The following GDI2 variants were observed in gnomAD, a reference collection of about 807,000 sequenced individuals.
The protein encoded by GDI2 is rab GDP dissociation inhibitor beta.
GDI2 carries 22 observed loss-of-function variants against 54.2 expected under a neutral mutation model. The observed-to-expected ratio is 0.41, with a 90% CI of 0.29 to 0.58. The LOEUF (loss-of-function observed/expected upper bound fraction) is 0.58. Ranked by LOEUF, GDI2 falls within the 20% of genes least tolerant of loss-of-function variation. The pLI, the probability that GDI2 is intolerant of heterozygous loss-of-function variation, is 0.35. For synonymous variants in GDI2, 177 were observed against 182.1 expected (o/e 0.97, Z 0.23); for missense variants, 422 against 546.0 (o/e 0.77, Z 2.26).
Position 5,785,786 on chromosome 10 carries a change from T to C in GDI2, c.587+66A>G. Reference sequence around the variant, plus strand: ...TATTTGTTTTGTTAGAATTTCCACTTGGAAGACTTGGGAAATTTAGTGAGA... The same window carrying C: ...TATTTGTTTTGTTAGAATTTCCACTCGGAAGACTTGGGAAATTTAGTGAGA... On this transcript the variant is annotated intron_variant, in intron 5 of 10. Coordinates refer to ENST00000380191, the MANE Select transcript of GDI2 (RefSeq NM_001494.4). 3 of 967,122 alleles carry C rather than the reference T, an allele frequency of 3.1e-6. No individual in the cohort carries two copies. The South Asian group carries it at 4.2e-5, about 13-fold the overall frequency. The allele number at this position is 967,122 out of a possible 1,614,324, so 59.9% of individuals were successfully genotyped here. A position where few individuals can be genotyped will look rare whatever the true frequency, so the allele number is the denominator to read the frequency against.
intron 6 of GDI2, among the ~76,000 whole-genome samples, chr10:5,783,879 T>C (rs1287190122): frequency 6.6e-6 from 1 of 152,222 alleles, no homozygotes; most frequent in Non-Finnish European, 1.5e-5. Context: ...ATTCTTTCCT[T>C]CATCTTGACT....
chr10:5,797,541 C>G (rs1402699336), intron 2 of GDI2, among the ~76,000 whole-genome samples: 1 of 85,684 alleles, frequency 1.2e-5, no homozygotes, highest in Non-Finnish European at 2.4e-5. Context: ...GAGACTCCAT[C>G]TCAAAAAAAA....
rs868437594 is a variant in GDI2 at position 5,808,702 on chromosome 10, A to G, written c.45+4512T>C. Among the ~76,000 whole-genome samples the G allele has an allele frequency of 4.5e-3, 496 of 111,266 alleles. 2 individuals carry two copies. Among genetic ancestry groups the G allele is most frequent in the African/African-American group, 0.013 (421 of 32,176 alleles). 73.0% of individuals were successfully genotyped at this position (111,266 alleles called of 152,430 possible). A position where few individuals can be genotyped will look rare whatever the true frequency, so the allele number is the denominator to read the frequency against. ...ATAAAAAGTATTGTTGTTATTAAAA[A>G]AAAAAAAAAAAAAAAACTACAAATA... On this transcript the variant is annotated intron_variant, in intron 1 of 10. Coordinates refer to ENST00000380191, the MANE Select transcript of GDI2 (RefSeq NM_001494.4).
Position 5,766,105 on chromosome 10 carries a change from C to G in GDI2, c.1239G>C (p.Thr413=). Residue 413 remains threonine (T), a synonymous_variant, in exon 11 of 11, where the codon ACG becomes ACC. Coordinates refer to ENST00000380191, the MANE Select transcript of GDI2 (RefSeq NM_001494.4). This position sits in a 1 kb window ranked among gnomAD's most constrained non-coding sequence, Gnocchi z 5.8. ...TYDATTHFET[T]CDDIKNIYKR... ...TATAGATGTTTTTAATGTCATCACACGTTGTCTCAAAATGAGTGGTGGCAT... is the reference window on the plus strand; with the variant it reads ...TATAGATGTTTTTAATGTCATCACAGGTTGTCTCAAAATGAGTGGTGGCAT... The G allele has an allele frequency of 3.1e-6, 5 of 1,612,398 alleles. No individual in the cohort carries two copies. Among genetic ancestry groups the G allele is most frequent in the Non-Finnish European group, 4.2e-6 (5 of 1,178,946 alleles).
intron 1 of GDI2, among the ~76,000 whole-genome samples, chr10:5,809,453 A>G (rs1841444895): frequency 6.6e-6 from 1 of 152,140 alleles, no homozygotes; most frequent in South Asian, 2.1e-4. Context: ...ATTGACTTAC[A>G]CTGACTGCTC....
At chr10:5,786,790 G>A (rs1000445131) in intron 4 of GDI2, among the ~76,000 whole-genome samples, 3 of 152,174 alleles carry the variant, frequency 2.0e-5, no homozygotes, top group Middle Eastern at 3.4e-3. Context: ...AGATACAACC[G>A]GGCACTTAAT....
At chr10:5,780,686 A>G (rs901255714) in intron 6 of GDI2, among the ~76,000 whole-genome samples, 7 of 152,348 alleles carry the variant, frequency 4.6e-5, no homozygotes, top group African/African-American at 1.4e-4. Context: ...ATACATTAAC[A>G]GCGGCATCAG....
chr10:5,785,924 T>C lies in GDI2; in HGVS notation c.515A>G (p.Tyr172Cys). Residue 172 changes from tyrosine to cysteine, a missense_variant, in exon 5 of 11, where the codon TAT becomes TGT. Coordinates refer to ENST00000380191, the MANE Select transcript of GDI2 (RefSeq NM_001494.4). The part of the protein sequence containing the change: ...DPKKTTMRDV[Y>C]KKFDLGQDVI... ...GTCTTGACCCAAATCAAATTTCTTA[T>C]ACACATCTCGCATTGTGGTCTTCTT... 4 of 1,611,954 alleles carry C rather than the reference T, an allele frequency of 2.5e-6. No individual in the cohort carries two copies. Among genetic ancestry groups the C allele is most frequent in the Non-Finnish European group, 3.4e-6 (4 of 1,177,976 alleles).
rs777761077 is a variant in GDI2, at chr10:5,776,694, C to T, written c.720-2753G>A. ...GAAAAGTCAGAGTTATGGAGCTTGC[C>T]GCCACATTCAGAAACTGCTACAGCC... On this transcript the variant is annotated intron_variant, in intron 6 of 10. Transcript: ENST00000380191. The surrounding 1 kb of genome is among the most constrained non-coding windows in gnomAD (Gnocchi z 5.3). The T allele has an allele frequency of 1.6e-4, 234 of 1,461,046 alleles. No homozygotes were observed. The highest frequency in any genetic ancestry group is 2.2e-4 in the Non-Finnish European group (230 of 1,049,166). 90.5% of individuals were successfully genotyped at this position (1,461,046 alleles called of 1,614,324 possible). A position where few individuals can be genotyped will look rare whatever the true frequency, so the allele number is the denominator to read the frequency against.
intron 1 of GDI2, among the ~76,000 whole-genome samples, chr10:5,801,790 T>C (rs1841275176): frequency 6.6e-6 from 1 of 152,014 alleles, no homozygotes; most frequent in Non-Finnish European, 1.5e-5. Flanking sequence ...GTGGGTGTAA[T>C]GCTTGAACCC....
intron 6 of GDI2, among the ~76,000 whole-genome samples, chr10:5,777,027 G>A (rs1300202949): frequency 5.9e-5 from 9 of 152,220 alleles, no homozygotes; most frequent in African/African-American, 2.2e-4. Context: ...CAGTCACTGT[G>A]AAATGTATCT....
intron 1 of GDI2, among the ~76,000 whole-genome samples, chr10:5,807,500 A>G (rs73612486): frequency 1.7e-3 from 257 of 152,346 alleles, no homozygotes; most frequent in African/African-American, 5.7e-3. Flanking sequence ...CTGTAACTTC[A>G]AACTCACCTA....
At chr10:5,786,165 A>ATTTTTT (rs35328258) in intron 4 of GDI2, 115 bp from the exon 5 acceptor site, 98 of 385,722 alleles carry the variant, frequency 2.5e-4, no homozygotes, top group African/African-American at 7.1e-4. Context: ...GCAGGATGCA[A>ATTTTTT]TTTTTTTTTT....
chr10:5,811,239 C>G (rs950850874), intron 1 of GDI2, among the ~76,000 whole-genome samples: 1 of 152,102 alleles, frequency 6.6e-6, no homozygotes, highest in Non-Finnish European at 1.5e-5. Flanking sequence ...CAAAGAACAT[C>G]TCAGAAAACT....
At chr10:5,793,628 C>G (rs1017636610) in intron 4 of GDI2, among the ~76,000 whole-genome samples, 1 of 152,106 alleles carries the variant, frequency 6.6e-6, no homozygotes, top group Admixed American at 6.6e-5. Context: ...AGCGCTGATG[C>G]CAAAATAATT....
chr10:5,795,653 G>A (rs189035034), intron 3 of GDI2, among the ~76,000 whole-genome samples: 62 of 152,204 alleles, frequency 4.1e-4, no homozygotes, highest in African/African-American at 1.5e-3. Flanking sequence ...TATTGGCCAG[G>A]CACAGGTGGC....
chr10:5,774,712 A>G lies in GDI2; in HGVS notation c.720-771T>C, dbSNP rs1840578806. 6.6e-6 allele frequency among the ~76,000 whole-genome samples: 1 copy of G among 152,304 alleles called. No homozygotes were observed. Among genetic ancestry groups the G allele is most frequent in the East Asian group, 1.9e-4 (1 of 5,186 alleles). The stretch of plus-strand genomic sequence containing the variant: ...TGAGTGTGGTGAGGCTAAAGCCTAA[A>G]GCCATGCGATGTCTGGGTTTTACTC... On this transcript the variant is annotated intron_variant, in intron 6 of 10. Transcript: ENST00000380191. The surrounding 1 kb of genome is among the most constrained non-coding windows in gnomAD (Gnocchi z 4.8).
rs1207736045 is a variant in GDI2, at chr10:5,766,785, G to A, written c.992-147C>T. Reference sequence around the variant, plus strand: ...TACACTTAAGTTCTAAATGGTGACAGAGTTGGATGTAAAGTACACAGATAT... The same window carrying A: ...TACACTTAAGTTCTAAATGGTGACAAAGTTGGATGTAAAGTACACAGATAT... On this transcript the variant is annotated intron_variant, in intron 8 of 10. Transcript: ENST00000380191. The surrounding 1 kb of genome is among the most constrained non-coding windows in gnomAD (Gnocchi z 5.8). 1.6e-6 allele frequency: 1 copy of A among 621,760 alleles called. No individual in the cohort carries two copies. The highest frequency in any genetic ancestry group is 2.9e-6 in the Non-Finnish European group (1 of 350,236). 38.5% of individuals were successfully genotyped at this position (621,760 alleles called of 1,614,324 possible).
At chr10:5,795,288 T>A (rs1445951147) in intron 3 of GDI2, among the ~76,000 whole-genome samples, 3 of 152,076 alleles carry the variant, frequency 2.0e-5, no homozygotes. Flanking sequence ...GGCTAATTTT[T>A]TTTTGTATTG....
Sources: gnomAD v4.1 joint callset for allele counts (sites outside exome capture counted in the v4.1 genomes callset) on GRCh38, gnomAD v4.1.1 for gene constraint, Gnocchi (gnomAD v3.1) non-coding constraint, MANE v1.5 for transcripts, NCBI Gene and HGNC (gene_info 2026-07-23, HGNC 2026-07-21) for gene names.